Variants in ANO10 observed in about 807,000 individuals in gnomAD.
The protein encoded by ANO10 is anoctamin-10.
In ANO10, 77 loss-of-function variants were observed where a neutral mutation model predicts 74.7. The observed-to-expected ratio is 1.03, with a 90% CI of 0.86 to 1.25. The LOEUF (loss-of-function observed/expected upper bound fraction) is 1.25, where lower values mean the gene tolerates loss of function less well. ANO10 is among the 50% of genes most tolerant of loss of function. The pLI, the probability that ANO10 is intolerant of heterozygous loss-of-function variation, is 0.00. For missense variants in ANO10, 721 were observed against 778.1 expected, an observed-to-expected ratio of 0.93 and a Z score of 0.87; for synonymous variants, 279 against 284.9, an observed-to-expected ratio of 0.98 and a Z score of 0.21.
At chr3:43,641,307 GTAGACATATCACTC>G (rs1349789349) in intron 1 of ANO10, among the ~76,000 whole-genome samples, 1 of 152,084 alleles carries the variant, frequency 6.6e-6, no homozygotes, top group East Asian at 1.9e-4. Flanking sequence ...CCCTGTTATG[GTAGACATATCACTC>G]TACTTGGAGA....
intron 12 of ANO10, among the ~76,000 whole-genome samples, chr3:43,392,899 G>A (rs2092304924): frequency 6.6e-6 from 1 of 152,150 alleles, no homozygotes; most frequent in African/African-American, 2.4e-5. Flanking sequence ...GGTCACCCGT[G>A]ACCGCCATAT....
intron 1 of ANO10, among the ~76,000 whole-genome samples, chr3:43,631,409 C>T (rs966463879): frequency 6.6e-6 from 1 of 152,134 alleles, no homozygotes; most frequent in African/African-American, 2.4e-5. Flanking sequence ...CTCAGTTGGC[C>T]TTATTACTGC....
chr3:43,492,445 C>A (rs1284102702), intron 11 of ANO10, among the ~76,000 whole-genome samples: 1 of 152,150 alleles, frequency 6.6e-6, no homozygotes, highest in Admixed American at 6.5e-5. Context: ...CAAATGGGAT[C>A]TAATTAAACT....
intron 11 of ANO10, among the ~76,000 whole-genome samples, chr3:43,466,369 CAA>C (rs36126977): frequency 2.2e-5 from 1 of 45,394 alleles, no homozygotes; most frequent in African/African-American, 7.3e-5. Context: ...GACTCCATCT[CAA>C]AAAAAAAAAA....
At chr3:43,534,388 T>C (rs1303576865) in intron 11 of ANO10, among the ~76,000 whole-genome samples, 1 of 152,212 alleles carries the variant, frequency 6.6e-6, no homozygotes, top group Non-Finnish European at 1.5e-5. Context: ...CTCCCAATGA[T>C]TGAAATGGCC....
intron 1 of ANO10, among the ~76,000 whole-genome samples, chr3:43,663,846 G>A (rs1346599019): frequency 6.6e-6 from 1 of 152,128 alleles, no homozygotes; most frequent in Admixed American, 6.5e-5. Context: ...ACCTCTTCAA[G>A]AAGAACTACA....
At chr3:43,584,343 G>C (rs551783017) in intron 4 of ANO10, among the ~76,000 whole-genome samples, 43 of 152,300 alleles carry the variant, frequency 2.8e-4, no homozygotes, top group African/African-American at 9.9e-4. Context: ...AACTCCACTT[G>C]TTATCATAGC....
intron 12 of ANO10, among the ~76,000 whole-genome samples, chr3:43,421,025 C>T (rs1465218816): frequency 6.6e-6 from 1 of 152,050 alleles, no homozygotes; most frequent in African/African-American, 2.4e-5. Context: ...GAGTTTGAGA[C>T]CAGCCTGGCC....
chr3:43,557,240 G>A (rs183534455), intron 9 of ANO10, among the ~76,000 whole-genome samples: 3 of 151,708 alleles, frequency 2.0e-5, no homozygotes, highest in East Asian at 3.9e-4. Flanking sequence ...GCAACCAGAC[G>A]TCAACACATC....
intron 11 of ANO10, among the ~76,000 whole-genome samples, chr3:43,537,882 T>G (rs1246435685): frequency 6.6e-6 from 1 of 152,102 alleles, no homozygotes; most frequent in Admixed American, 6.6e-5. Context: ...TCACATAGTT[T>G]CTAATTTAAT....
At chr3:43,520,790 A>T (rs1410699492) in intron 11 of ANO10, among the ~76,000 whole-genome samples, 3 of 152,176 alleles carry the variant, frequency 2.0e-5, no homozygotes, top group Non-Finnish European at 4.4e-5. Flanking sequence ...TTATAGGATC[A>T]ACTTGTAATT....
chr3:43,593,349 T>A (rs554282842), intron 4 of ANO10, among the ~76,000 whole-genome samples: 1 of 152,168 alleles, frequency 6.6e-6, no homozygotes, highest in African/African-American at 2.4e-5. Context: ...ATGTTAAGGG[T>A]AGACAGAGAG....
At chr3:43,419,062 A>G (rs1196242444) in intron 12 of ANO10, among the ~76,000 whole-genome samples, 1 of 152,204 alleles carries the variant, frequency 6.6e-6, no homozygotes, top group Non-Finnish European at 1.5e-5. Flanking sequence ...TGTTTCCAAG[A>G]TCACTTGCTC....
At chr3:43,469,524 T>C (rs566174312) in intron 11 of ANO10, among the ~76,000 whole-genome samples, 128 of 152,286 alleles carry the variant, frequency 8.4e-4, no homozygotes, top group African/African-American at 2.9e-3. Context: ...AATTGCACTG[T>C]TAGGAGTGAA....
chr3:43,691,142 G>A (rs1575596131), intron 1 of ANO10: 1 of 1,166,286 alleles, frequency 8.6e-7, no homozygotes, highest in Non-Finnish European at 1.1e-6. Context: ...CCGCCCGCCT[G>A]GCGACGACGG....
At position 43,477,870 on chromosome 3, in the gene ANO10, A is replaced by C. The variant is rs200776097; in HGVS notation, c.1798-45143T>G. On this transcript the variant is annotated intron_variant, in intron 11 of 12. Transcript: ENST00000292246. ...ACTTACAATTGGACAGACCTCTTTG[A>C]CTTTGGCAGGGGCCCGCCAACCTGC... Among the ~76,000 whole-genome samples, 4 of 152,158 alleles carry C rather than the reference A, an allele frequency of 2.6e-5. No individual in the cohort carries two copies. The East Asian group carries it at 7.7e-4, about 29-fold the overall frequency.
At chr3:43,553,300 A>T (rs1490100783) in intron 10 of ANO10, among the ~76,000 whole-genome samples, 2 of 151,962 alleles carry the variant, frequency 1.3e-5, no homozygotes, top group Non-Finnish European at 2.9e-5. Flanking sequence ...TCTTTGGTTT[A>T]TCTTGTTTGG....
At chr3:43,545,367 T>C (rs933959583) in intron 11 of ANO10, among the ~76,000 whole-genome samples, 1 of 151,978 alleles carries the variant, frequency 6.6e-6, no homozygotes, top group African/African-American at 2.4e-5. Context: ...ATGGTTTTTT[T>C]TTGTTTGTTT....
intron 11 of ANO10, among the ~76,000 whole-genome samples, chr3:43,491,875 A>T (rs549393139): frequency 6.6e-6 from 1 of 152,328 alleles, no homozygotes; most frequent in Admixed American, 6.5e-5. Context: ...AACATAATTT[A>T]TTACGTTTTT....
Sources: allele counts gnomAD v4.1 joint callset (sites outside exome capture counted in the v4.1 genomes callset), GRCh38; gene constraint gnomAD v4.1.1; transcripts MANE v1.5; gene names NCBI Gene and HGNC (gene_info 2026-07-23, HGNC 2026-07-21).